The following PPP1R9A variants were observed in gnomAD, a reference collection of about 807,000 sequenced individuals.
PPP1R9A encodes neurabin-1.
A neutral mutation model predicts 141.9 loss-of-function variants in PPP1R9A; 59 were observed. That is an observed-to-expected ratio of 0.42 (90% CI 0.34 to 0.52). The LOEUF (loss-of-function observed/expected upper bound fraction) is 0.52. Ranked by LOEUF, PPP1R9A falls within the 20% of genes least tolerant of loss-of-function variation. The probability of loss-of-function intolerance (pLI) is 0.10; values close to 1 mark genes in which losing one functional copy is unlikely to be tolerated. For missense variants in PPP1R9A, 1,444 were observed against 1,611.9 expected, an observed-to-expected ratio of 0.90 and a Z score of 1.78; for synonymous variants, 500 against 569.7, an observed-to-expected ratio of 0.88 and a Z score of 1.74.
chr7:95,236,259 A>G (rs192895728), intron 8 of PPP1R9A, among the ~76,000 whole-genome samples: 25 of 152,268 alleles, frequency 1.6e-4, no homozygotes, highest in African/African-American at 6.0e-4. Context: ...TTAATGATGT[A>G]GATAAGATAG....
intron 2 of PPP1R9A, among the ~76,000 whole-genome samples, chr7:95,023,477 C>G (rs1354480189): frequency 6.6e-6 from 1 of 152,002 alleles, no homozygotes; most frequent in African/African-American, 2.4e-5. Flanking sequence ...CTATCTCCTT[C>G]AGTTCTGCTC....
intron 8 of PPP1R9A, among the ~76,000 whole-genome samples, chr7:95,231,225 C>G (rs553425941): frequency 6.6e-6 from 1 of 152,174 alleles, no homozygotes; most frequent in East Asian, 1.9e-4. Context: ...ATATTTGCAG[C>G]TAACACTGGA....
chr7:95,223,257 C>A (rs1381325881), intron 7 of PPP1R9A, among the ~76,000 whole-genome samples: 2 of 151,824 alleles, frequency 1.3e-5, no homozygotes, highest in Non-Finnish European at 2.9e-5. Context: ...CTGGCAAAGT[C>A]CACAAAAGAA....
intron 4 of PPP1R9A, among the ~76,000 whole-genome samples, chr7:95,146,787 G>A (rs1014305377): frequency 6.6e-6 from 1 of 152,158 alleles, no homozygotes; most frequent in Non-Finnish European, 1.5e-5. Context: ...TGTGAGGTTT[G>A]TCAAAGATCA....
intron 2 of PPP1R9A, among the ~76,000 whole-genome samples, chr7:94,985,828 T>A (rs907109028): frequency 2.6e-5 from 4 of 152,154 alleles, no homozygotes; most frequent in African/African-American, 9.6e-5. Flanking sequence ...AAAATTTTCT[T>A]TCAGATTGTT....
chr7:94,961,691 C>T (rs1216105866), intron 2 of PPP1R9A, among the ~76,000 whole-genome samples: 1 of 151,692 alleles, frequency 6.6e-6, no homozygotes, highest in Non-Finnish European at 1.5e-5. Context: ...ATACAAATGT[C>T]CTTTTAGGCA....
At chr7:95,042,762 A>G (rs534385986) in intron 2 of PPP1R9A, among the ~76,000 whole-genome samples, 8 of 152,308 alleles carry the variant, frequency 5.3e-5, no homozygotes, top group Non-Finnish European at 7.4e-5. Flanking sequence ...GAAAGATATC[A>G]TCAAGCTGAC....
chr7:95,026,723 G>A (rs1321236061), intron 2 of PPP1R9A, among the ~76,000 whole-genome samples: 2 of 152,128 alleles, frequency 1.3e-5, no homozygotes, highest in African/African-American at 4.8e-5. Flanking sequence ...AGGGAGATGG[G>A]GGTTTTATTT....
chr7:95,164,890 A>T (rs1162038355), intron 5 of PPP1R9A, among the ~76,000 whole-genome samples: 2 of 151,752 alleles, frequency 1.3e-5, no homozygotes, highest in African/African-American at 4.8e-5. Context: ...TTCATATGGC[A>T]TTCTAAAAGG....
At chr7:94,914,418 C>T (rs1791817193) in intron 2 of PPP1R9A, among the ~76,000 whole-genome samples, 1 of 152,092 alleles carries the variant, frequency 6.6e-6, no homozygotes, top group Admixed American at 6.6e-5. Flanking sequence ...TAGCATATAC[C>T]TTGTACTTGT....
At chr7:95,053,170 GTC>G (rs1811047182) in intron 2 of PPP1R9A, among the ~76,000 whole-genome samples, 2 of 152,262 alleles carry the variant, frequency 1.3e-5, no homozygotes, top group African/African-American at 4.8e-5. Context: ...CACAGTTAGG[GTC>G]TCTCTGTGTT....
chr7:95,238,595 A>G (rs1340314656), intron 8 of PPP1R9A, among the ~76,000 whole-genome samples: 2 of 152,190 alleles, frequency 1.3e-5, no homozygotes, highest in Admixed American at 6.6e-5. Flanking sequence ...CCTGAAGCCC[A>G]TACAAAGTCT....
intron 2 of PPP1R9A, among the ~76,000 whole-genome samples, chr7:94,993,465 G>A (rs1220431591): frequency 6.6e-6 from 1 of 152,104 alleles, no homozygotes; most frequent in East Asian, 1.9e-4. Context: ...TGTATTGTTT[G>A]GAATCTGTGA....
At chr7:94,949,141 T>G (rs1333607501) in intron 2 of PPP1R9A, among the ~76,000 whole-genome samples, 1 of 152,152 alleles carries the variant, frequency 6.6e-6, no homozygotes, top group Admixed American at 6.6e-5. Flanking sequence ...CTATCCAGTT[T>G]TGATTAGTCT....
chr7:95,207,441 A>G (rs538677473), intron 7 of PPP1R9A, among the ~76,000 whole-genome samples: 1 of 152,178 alleles, frequency 6.6e-6, no homozygotes, highest in Admixed American at 6.5e-5. Context: ...AAAGCTAACA[A>G]TGATGAGAAA....
At chr7:95,171,251 G>T (rs533044809) in intron 5 of PPP1R9A, among the ~76,000 whole-genome samples, 1 of 151,552 alleles carries the variant, frequency 6.6e-6, no homozygotes, top group South Asian at 2.1e-4. Flanking sequence ...TTTCTTAAAT[G>T]TAAATGGTCT....
At chr7:95,194,303 A>G (rs1296510996) in intron 5 of PPP1R9A, among the ~76,000 whole-genome samples, 2 of 152,064 alleles carry the variant, frequency 1.3e-5, no homozygotes, top group African/African-American at 2.4e-5. Context: ...GACTTTATGT[A>G]TCTTTAACCA....
rs1806207810 is a variant in PPP1R9A at position 95,290,469 on chromosome 7, G to T, written c.*166G>T. The T allele has an allele frequency of 1.3e-6, 1 of 744,890 alleles. No individual in the cohort carries two copies. Among genetic ancestry groups the T allele is most frequent in the Middle Eastern group, 4.0e-4 (1 of 2,520 alleles). 46.1% of individuals were successfully genotyped at this position (744,890 alleles called of 1,614,324 possible). A position where few individuals can be genotyped will look rare whatever the true frequency, so the allele number is the denominator to read the frequency against. ...ATAACTGCATTTTCTGCAATAGAAT[G>T]CACTCTTAATTTTAACTACTAAAAT... On this transcript the variant is annotated 3_prime_UTR_variant, in exon 20 of 20. Coordinates refer to ENST00000433360, the MANE Select transcript of PPP1R9A (RefSeq NM_001166160.2).
intron 2 of PPP1R9A, among the ~76,000 whole-genome samples, chr7:95,059,139 G>GT (rs949829120): frequency 6.6e-5 from 10 of 151,600 alleles, no homozygotes; most frequent in East Asian, 1.9e-4. Context: ...ACCTCCATGT[G>GT]TTTTTTTTCC....
Sources: allele counts gnomAD v4.1 joint callset (sites outside exome capture counted in the v4.1 genomes callset), GRCh38; gene constraint gnomAD v4.1.1; transcripts MANE v1.5; gene names NCBI Gene and HGNC (gene_info 2026-07-23, HGNC 2026-07-21).